Variants in GRIK2 observed in about 807,000 individuals in gnomAD.
The protein encoded by GRIK2 is glutamate receptor ionotropic, kainate 2.
In GRIK2, 32 loss-of-function variants were observed where a neutral mutation model predicts 100.3. The observed-to-expected ratio is 0.32, with a 90% CI of 0.24 to 0.43. The LOEUF (loss-of-function observed/expected upper bound fraction) is 0.43. Among genes scored for constraint, GRIK2 ranks in the 20% least tolerant of loss-of-function variants. The pLI is 1.00. For synonymous variants in GRIK2, 417 were observed against 389.4 expected, an observed-to-expected ratio of 1.07 and a Z score of -0.83; for missense variants, 843 against 1,114.9, an observed-to-expected ratio of 0.76 and a Z score of 3.47.
At chr6:101,553,700 T>G (rs1776614108) in intron 2 of GRIK2, among the ~76,000 whole-genome samples, 1 of 152,192 alleles carries the variant, frequency 6.6e-6, no homozygotes. Flanking sequence ...AAATTTGTGT[T>G]ATGAAAGGCA....
chr6:101,510,557 C>A (rs1306967779), intron 2 of GRIK2, among the ~76,000 whole-genome samples: 4 of 115,858 alleles, frequency 3.5e-5, no homozygotes, highest in African/African-American at 6.7e-5. Context: ...GAGTCTCACA[C>A]TGTAGGCTGG....
chr6:102,019,696 T>C (rs1769321827), intron 14 of GRIK2, among the ~76,000 whole-genome samples: 1 of 151,968 alleles, frequency 6.6e-6, no homozygotes, highest in African/African-American at 2.4e-5. Flanking sequence ...TTTACACACA[T>C]ACCAACCAAG....
intron 2 of GRIK2, among the ~76,000 whole-genome samples, chr6:101,535,738 C>T (rs1332754401): frequency 6.6e-6 from 1 of 151,646 alleles, no homozygotes; most frequent in Non-Finnish European, 1.5e-5. Context: ...GAACAATTCA[C>T]TTGCTGTGAT....
At chr6:101,467,847 T>C (rs1025611458) in intron 2 of GRIK2, among the ~76,000 whole-genome samples, 2 of 151,972 alleles carry the variant, frequency 1.3e-5, no homozygotes, top group African/African-American at 4.8e-5. Context: ...TTATTTCATT[T>C]ATAAATACCC....
intron 2 of GRIK2, among the ~76,000 whole-genome samples, chr6:101,446,736 G>C (rs964783829): frequency 6.6e-6 from 1 of 151,250 alleles, no homozygotes; most frequent in African/African-American, 2.4e-5. Context: ...TAAAAATCCT[G>C]TACTTTGAAG....
chr6:102,064,817 CT>C (rs1226446695), intron 16 of GRIK2, among the ~76,000 whole-genome samples: 2 of 151,052 alleles, frequency 1.3e-5, no homozygotes, highest in African/African-American at 4.8e-5. Context: ...TGTATATTTG[CT>C]CTAGTACCAT....
intron 7 of GRIK2, among the ~76,000 whole-genome samples, chr6:101,726,477 A>G (rs755765565): frequency 1.3e-5 from 2 of 152,006 alleles, no homozygotes; most frequent in Non-Finnish European, 2.9e-5. Flanking sequence ...ATGCATACAA[A>G]CAGGAATCAA....
At chr6:101,465,769 G>A (rs182575327) in intron 2 of GRIK2, among the ~76,000 whole-genome samples, 60 of 152,282 alleles carry the variant, frequency 3.9e-4, no homozygotes, top group Middle Eastern at 3.4e-3. Context: ...GCGGGACACC[G>A]ATGTTATTTA....
intron 2 of GRIK2, among the ~76,000 whole-genome samples, chr6:101,613,295 C>A (rs1562261251): frequency 6.6e-6 from 1 of 151,700 alleles, no homozygotes; most frequent in Non-Finnish European, 1.5e-5. Flanking sequence ...TGGTCTAAAG[C>A]TTTGCTTGGT....
intron 7 of GRIK2, among the ~76,000 whole-genome samples, chr6:101,753,066 G>A (rs574232765): frequency 2.0e-5 from 3 of 152,098 alleles, no homozygotes; most frequent in South Asian, 2.1e-4. Context: ...AGGCCGAGGC[G>A]GGAGGATCAC....
intron 11 of GRIK2, among the ~76,000 whole-genome samples, chr6:101,865,442 A>G (rs1411703925): frequency 6.6e-6 from 1 of 152,206 alleles, no homozygotes; most frequent in Non-Finnish European, 1.5e-5. Context: ...GAACTTAAAA[A>G]GGCTCCAGGT....
At chr6:102,007,357 T>G (rs1175512758) in intron 14 of GRIK2, among the ~76,000 whole-genome samples, 1 of 152,090 alleles carries the variant, frequency 6.6e-6, no homozygotes, top group African/African-American at 2.4e-5. Flanking sequence ...TGAAATAAAG[T>G]AAAATTTGAA....
At chr6:101,979,750 A>G (rs1793604587) in intron 14 of GRIK2, among the ~76,000 whole-genome samples, 1 of 151,944 alleles carries the variant, frequency 6.6e-6, no homozygotes, top group Admixed American at 6.6e-5. Context: ...AATTTGTCTA[A>G]GTTAGACATT....
chr6:101,815,421 C>T (rs189815309), intron 9 of GRIK2, among the ~76,000 whole-genome samples: 1 of 152,118 alleles, frequency 6.6e-6, no homozygotes, highest in Admixed American at 6.6e-5. Context: ...GAAGCACTTT[C>T]ATATTTCTTG....
chr6:101,836,660 T>TTTC (rs1783128840), intron 10 of GRIK2, among the ~76,000 whole-genome samples: 1 of 39,812 alleles, frequency 2.5e-5, no homozygotes. Context: ...TATATATATA[T>TTTC]ATTTTTTTTT....
chr6:101,813,640 G>C (rs1781467484), intron 9 of GRIK2, among the ~76,000 whole-genome samples: 1 of 151,950 alleles, frequency 6.6e-6, no homozygotes, highest in Admixed American at 6.6e-5. Context: ...GCAAAATAAA[G>C]AGAGGCAGTG....
intron 2 of GRIK2, among the ~76,000 whole-genome samples, chr6:101,536,454 G>A (rs573378604): frequency 2.0e-4 from 30 of 151,508 alleles, no homozygotes; most frequent in Admixed American, 5.9e-4. Context: ...TGGGGTATAA[G>A]GGGTAGGACC....
chr6:101,500,958 A>ATT (rs1773718260), intron 2 of GRIK2, among the ~76,000 whole-genome samples: 1 of 151,850 alleles, frequency 6.6e-6, no homozygotes, highest in Non-Finnish European at 1.5e-5. Flanking sequence ...TATTAATATT[A>ATT]ACAGTACTTC....
intron 2 of GRIK2, among the ~76,000 whole-genome samples, chr6:101,595,386 A>G (rs2128308044): frequency 6.6e-6 from 1 of 151,746 alleles, no homozygotes; most frequent in Non-Finnish European, 1.5e-5. Flanking sequence ...GTCTTAGACA[A>G]TATATAAGGC....
Sources: gnomAD v4.1 joint callset for allele counts (sites outside exome capture counted in the v4.1 genomes callset) on GRCh38, gnomAD v4.1.1 for gene constraint, MANE v1.5 for transcripts, NCBI Gene and HGNC (gene_info 2026-07-23, HGNC 2026-07-21) for gene names.